PRTG: variants seen among roughly 807,000 people sequenced by gnomAD.
PRTG encodes protogenin, also known as immunoglobulin superfamily, DCC subclass, member 5.
Under a neutral mutation model 122.5 loss-of-function variants are expected in PRTG, and 67 were observed. The ratio of observed to expected loss-of-function variants is 0.55; its 90% CI spans 0.45 to 0.67. The LOEUF (loss-of-function observed/expected upper bound fraction) is 0.67. Among genes scored for constraint, PRTG ranks in the 30% least tolerant of loss-of-function variants. The pLI, the probability that PRTG is intolerant of heterozygous loss-of-function variation, is 0.00. For missense variants in PRTG, 1,435 were observed against 1,415.4 expected (o/e 1.01, Z -0.22); for synonymous variants, 554 against 501.1 (o/e 1.11, Z -1.41).
At chr15:55,704,354 T>C (rs938824421) in intron 2 of PRTG, among the ~76,000 whole-genome samples, 4 of 152,292 alleles carry the variant, frequency 2.6e-5, no homozygotes, top group East Asian at 1.9e-4. Context: ...AGCAACTTCA[T>C]CTGTGCAGAA....
rs912448588 is a variant in PRTG at position 55,673,332 on chromosome 15, A to T, written c.1852+39T>A. 3 of 1,442,728 alleles carry T rather than the reference A, an allele frequency of 2.1e-6. No homozygotes were observed. The African/African-American group carries it at 4.3e-5, about 20-fold the overall frequency. The allele number at this position is 1,442,728 out of a possible 1,614,324, so 89.4% of individuals were successfully genotyped here. A position where few individuals can be genotyped will look rare whatever the true frequency, so the allele number is the denominator to read the frequency against. On this transcript the variant is annotated intron_variant, in intron 10 of 19. Coordinates refer to ENST00000389286, the MANE Select transcript of PRTG (RefSeq NM_173814.6). ...GAGAAGAAAAACTTGATTCAAAAGT[A>T]AAAATACTGTATTTTCTTAACAGTC...
chr15:55,625,935 T>G (rs1426287877), intron 17 of PRTG, among the ~76,000 whole-genome samples: 1 of 152,036 alleles, frequency 6.6e-6, no homozygotes, highest in Non-Finnish European at 1.5e-5. Context: ...ACATTTTTTG[T>G]AGAGATAAGA....
At position 55,742,853 on chromosome 15, in the gene PRTG, G is replaced by T; in HGVS notation, c.79C>A (p.Leu27Ile). ...GCGCGCCCACCTGGCAAAGGACTGA[G>T]CAGCAGCAGGAGCAGGAGCGCGCGG... Reference protein sequence around the residue: ...LLRALLLLLLLSPLPGVWCFS... With the variant: ...LLRALLLLLLISPLPGVWCFS... The change falls in exon 1 of 20, where the codon CTC becomes ATC. Residue 27 changes from leucine (L) to isoleucine (I), a missense_variant. Coordinates refer to ENST00000389286, the MANE Select transcript of PRTG (RefSeq NM_173814.6). 6.5e-7 allele frequency: 1 copy of T among 1,540,196 alleles called. No individual in the cohort carries two copies. The highest frequency in any genetic ancestry group is 8.8e-7 in the Non-Finnish European group (1 of 1,141,984).
At chr15:55,636,952 T>A (rs569099545) in intron 15 of PRTG, among the ~76,000 whole-genome samples, 1 of 152,304 alleles carries the variant, frequency 6.6e-6, no homozygotes, top group East Asian at 1.9e-4. Context: ...CGGCTATATC[T>A]CTTCTATTAA....
intron 2 of PRTG, among the ~76,000 whole-genome samples, chr15:55,695,739 G>T (rs897205598): frequency 6.6e-6 from 1 of 152,222 alleles, no homozygotes; most frequent in African/African-American, 2.4e-5. Context: ...AGCACTTTGA[G>T]GGGACGAGAC....
At chr15:55,698,005 T>C (rs189506183) in intron 2 of PRTG, among the ~76,000 whole-genome samples, 117 of 152,288 alleles carry the variant, frequency 7.7e-4, no homozygotes, top group Admixed American at 1.6e-3. Context: ...CCTATTCACC[T>C]AGCTTCTCTT....
rs1488873081 is a variant in PRTG, at chr15:55,738,320, C to A, written c.397+2062G>T. The A allele has an allele frequency of 1.7e-5, 9 of 539,560 alleles. No individual in the cohort carries two copies. The Admixed American group carries it at 3.1e-4, about 19-fold the overall frequency. 33.4% of individuals were successfully genotyped at this position (539,560 alleles called of 1,614,324 possible). A position where few individuals can be genotyped will look rare whatever the true frequency, so the allele number is the denominator to read the frequency against. On this transcript the variant is annotated intron_variant, in intron 2 of 19. Coordinates refer to ENST00000389286, the MANE Select transcript of PRTG (RefSeq NM_173814.6). ...CTGACATTTTGTTTGTTACACCTAT[C>A]ACACACCATTCACATTTTATTTATG...
intron 2 of PRTG, among the ~76,000 whole-genome samples, chr15:55,707,549 C>T (rs2030180401): frequency 6.6e-6 from 1 of 152,168 alleles, no homozygotes; most frequent in African/African-American, 2.4e-5. Flanking sequence ...TGCAACCTTT[C>T]ACTCAAAAGA....
At chr15:55,621,462 C>A (rs1285347220) in intron 18 of PRTG, among the ~76,000 whole-genome samples, 1 of 152,090 alleles carries the variant, frequency 6.6e-6, no homozygotes, top group Non-Finnish European at 1.5e-5. Flanking sequence ...TCTAGACCAT[C>A]CTGGCTAACA....
At chr15:55,664,429 C>T in intron 11 of PRTG, among the ~76,000 whole-genome samples, 1 of 152,144 alleles carries the variant, frequency 6.6e-6, no homozygotes, top group East Asian at 1.9e-4. Context: ...AGGCGTGAGC[C>T]ACTGCGCCTG....
chr15:55,741,448 T>G (rs750788265), intron 1 of PRTG, among the ~76,000 whole-genome samples: 11 of 152,212 alleles, frequency 7.2e-5, no homozygotes, highest in Non-Finnish European at 1.5e-4. Flanking sequence ...GGATAGGAGA[T>G]CGCTTAATCA....
At chr15:55,672,415 A>G in intron 11 of PRTG, 30 bp downstream of exon 11, 1 of 1,557,118 alleles carries the variant, frequency 6.4e-7, no homozygotes, top group Non-Finnish European at 8.7e-7. Flanking sequence ...AGGAAGGAAA[A>G]AGGGAAAAAT....
chr15:55,682,712 G>A (rs560798852), intron 3 of PRTG, among the ~76,000 whole-genome samples: 2 of 151,944 alleles, frequency 1.3e-5, no homozygotes, highest in South Asian at 2.1e-4. Context: ...TTACAGGTGC[G>A]CCACCATGCC....
In PRTG at chr15:55,689,757, C is replaced by A. The variant is rs551385224; in HGVS notation, c.398-5826G>T. Among the ~76,000 whole-genome samples the A allele has an allele frequency of 3.9e-5, 6 of 152,088 alleles. No homozygotes were observed. In the East Asian group the frequency reaches 1.2e-3, roughly 29 times the overall value. On this transcript the variant is annotated intron_variant, in intron 2 of 19. Coordinates refer to ENST00000389286, the MANE Select transcript of PRTG (RefSeq NM_173814.6). The stretch of plus-strand genomic sequence containing the variant: ...CCTGGCTAACACGGTGAAACCCCGT[C>A]TCTACTAAAAATACAAAAAAATTAG...
intron 11 of PRTG, among the ~76,000 whole-genome samples, chr15:55,657,994 C>T (rs1197846255): frequency 6.6e-6 from 1 of 152,168 alleles, no homozygotes; most frequent in Non-Finnish European, 1.5e-5. Context: ...TCTTTTCATT[C>T]CCTTTACTAT....
intron 2 of PRTG, among the ~76,000 whole-genome samples, chr15:55,695,887 C>CT (rs1396738501): frequency 6.6e-6 from 1 of 152,182 alleles, no homozygotes; most frequent in Non-Finnish European, 1.5e-5. Context: ...AGGAGGATCA[C>CT]TTAAGCCTGG....
At chr15:55,742,530 A>G in intron 1 of PRTG, 1 of 265,990 alleles carries the variant, frequency 3.8e-6, no homozygotes, top group Non-Finnish European at 7.0e-6. Flanking sequence ...CAATGGCGCG[A>G]GAAGGAAGAG....
chr15:55,729,244 G>A (rs2031146900), intron 2 of PRTG, among the ~76,000 whole-genome samples: 1 of 152,180 alleles, frequency 6.6e-6, no homozygotes, highest in Non-Finnish European at 1.5e-5. Flanking sequence ...TTGAAAACAT[G>A]CTAAGTGTAG....
At chr15:55,733,774 C>A (rs2031317750) in intron 2 of PRTG, among the ~76,000 whole-genome samples, 1 of 152,086 alleles carries the variant, frequency 6.6e-6, no homozygotes, top group South Asian at 2.1e-4. Flanking sequence ...CTGCAGGACG[C>A]CGTGACTGCA....
Sources: allele counts gnomAD v4.1 joint callset (sites outside exome capture counted in the v4.1 genomes callset), GRCh38; gene constraint gnomAD v4.1.1; transcripts MANE v1.5; gene names NCBI Gene and HGNC (gene_info 2026-07-23, HGNC 2026-07-21).